The following CHMP6 variants were observed in gnomAD, a reference collection of about 807,000 sequenced individuals.
CHMP6 encodes charged multivesicular body protein 6, also known as chromatin-modifying protein 6.
Under a neutral mutation model 32.8 loss-of-function variants are expected in CHMP6, and 10 were observed. That is an observed-to-expected ratio of 0.30 (90% CI 0.19 to 0.52). The LOEUF (loss-of-function observed/expected upper bound fraction) is 0.52, where lower values mean the gene tolerates loss of function less well. Among genes scored for constraint, CHMP6 ranks in the 20% least tolerant of loss-of-function variants. CHMP6 has a pLI of 0.97. For synonymous variants in CHMP6, 123 were observed against 105.8 expected (o/e 1.16, Z -1.00); for missense variants, 269 against 263.8 (o/e 1.02, Z -0.14).
intron 4 of CHMP6, among the ~76,000 whole-genome samples, chr17:80,996,621 C>G (rs1255015553): frequency 6.6e-6 from 1 of 152,230 alleles, no homozygotes; most frequent in Non-Finnish European, 1.5e-5. Context: ...GAATGTTCTA[C>G]CTGTTGCTTG....
chr17:80,994,362 C>T (rs913313718), intron 1 of CHMP6, among the ~76,000 whole-genome samples: 4 of 152,214 alleles, frequency 2.6e-5, no homozygotes, highest in Admixed American at 1.3e-4. Flanking sequence ...CCGGGTGACC[C>T]TCTGGTGGGG....
chr17:80,999,058 G>A, intron 7 of CHMP6, 40 bp from the exon 8 acceptor site: 3 of 1,612,286 alleles, frequency 1.9e-6, no homozygotes, highest in Non-Finnish European at 2.5e-6. Context: ...TCTGCCTGTG[G>A]GTCTTTGGCG....
chr17:80,995,193 A>C, intron 3 of CHMP6, 87 bp downstream of exon 3: 4 of 1,318,936 alleles, frequency 3.0e-6, no homozygotes, highest in Middle Eastern at 1.9e-4. Context: ...ATTTCTCCCG[A>C]GAGCTGAAAG....
At chr17:80,998,727 C>A in intron 7 of CHMP6, 1 of 1,337,982 alleles carries the variant, frequency 7.5e-7, no homozygotes, top group Non-Finnish European at 9.7e-7. Context: ...CAGGATTAGC[C>A]CTCAGCCAGG....
rs751560399 is a variant in CHMP6, at chr17:80,997,047, C to T, written c.389C>T (p.Thr130Met). ...IEEVERILDE[T>M]QEAVEYQRQI... Reference sequence around the variant, plus strand: ...GAGGTGGAGAGGATCCTGGACGAGACGCAGGAGGCCGTGGAGTACCAGCGG... The same window carrying T: ...GAGGTGGAGAGGATCCTGGACGAGATGCAGGAGGCCGTGGAGTACCAGCGG... Residue 130 changes from threonine to methionine, a missense_variant, in exon 5 of 8, where the codon ACG becomes ATG. By Grantham distance (81) the Thr-to-Met change is moderately conservative. Coordinates refer to ENST00000325167, the MANE Select transcript of CHMP6 (RefSeq NM_024591.5). 7.1e-5 allele frequency: 114 copies of T among 1,613,780 alleles called. No homozygotes were observed. The highest frequency in any genetic ancestry group is 7.6e-5 in the Non-Finnish European group (90 of 1,179,970).
chr17:80,997,018 T>C lies in CHMP6; in HGVS notation c.360T>C (p.Ile120=). 1.2e-6 allele frequency: 2 copies of C among 1,613,600 alleles called. No homozygotes were observed. The highest frequency in any genetic ancestry group is 8.5e-7 in the Non-Finnish European group (1 of 1,179,822). ...CLNKMHQVMS[I]EEVERILDET... ...ACCCTCGTCCACAGGTGATGTCCATTGAAGAGGTGGAGAGGATCCTGGACG... is the reference window on the plus strand; with the variant it reads ...ACCCTCGTCCACAGGTGATGTCCATCGAAGAGGTGGAGAGGATCCTGGACG... The change falls in exon 5 of 8, where the codon ATT becomes ATC. Residue 120 remains isoleucine, a synonymous_variant. Transcript: ENST00000325167.
chr17:80,995,592 C>A (rs886718058), intron 3 of CHMP6, 80 bp from the exon 4 acceptor site: 21 of 1,267,746 alleles, frequency 1.7e-5, no homozygotes, highest in Non-Finnish European at 2.1e-5. Context: ...GCAAGGGTGT[C>A]ATCCTGAACC....
intron 5 of CHMP6, 71 bp from the exon 6 acceptor site, chr17:80,997,190 C>T: frequency 6.2e-7 from 1 of 1,602,696 alleles, no homozygotes; most frequent in South Asian, 1.1e-5. Flanking sequence ...CGAGACCCAG[C>T]CACAGGCCAT....
At chr17:80,993,578 C>T (rs2069611828) in intron 1 of CHMP6, among the ~76,000 whole-genome samples, 1 of 152,260 alleles carries the variant, frequency 6.6e-6, no homozygotes, top group African/African-American at 2.4e-5. Context: ...AGCTAATTCT[C>T]CTCAGCCTCC....
intron 5 of CHMP6, 32 bp from the exon 6 acceptor site, chr17:80,997,229 C>G (rs781108599): frequency 3.1e-6 from 5 of 1,612,700 alleles, no homozygotes; most frequent in African/African-American, 2.7e-5. Context: ...GCCACCTCCT[C>G]GCTGCTCTCA....
At chr17:80,995,569 C>T in intron 3 of CHMP6, 103 bp from the exon 4 acceptor site, 4 of 948,446 alleles carry the variant, frequency 4.2e-6, no homozygotes, top group Admixed American at 1.9e-5. Context: ...TCACGCCCAG[C>T]AGCACCCGCC....
chr17:80,995,112 C>T lies in CHMP6; in HGVS notation c.261+6C>T, dbSNP rs201206691. 6.0e-5 allele frequency: 95 copies of T among 1,594,920 alleles called. No individual in the cohort carries two copies. The East Asian group carries it at 6.8e-4, about 11-fold the overall frequency. ...TCAGCAGCCTGGAGGCCATGGTAGG[C>T]GGCCGGGTGCTTCGCCCTGGAGTGC... On this transcript the variant is annotated splice_donor_region_variant and intron_variant, in intron 3 of 7. Transcript: ENST00000325167.
chr17:80,995,783 A>G (rs2069632911), intron 4 of CHMP6, 25 bp downstream of exon 4: 2 of 1,609,382 alleles, frequency 1.2e-6, no homozygotes, highest in Non-Finnish European at 1.7e-6. Flanking sequence ...GGCCAGGGGC[A>G]TGGAGGTGTG....
chr17:80,998,413 G>A lies in CHMP6; in HGVS notation c.543G>A (p.Lys181=). The A allele has an allele frequency of 6.2e-7, 1 of 1,614,208 alleles. No individual in the cohort carries two copies. Among genetic ancestry groups the A allele is most frequent in the Non-Finnish European group, 8.5e-7 (1 of 1,180,016 alleles). ...TTCCCTCCGAGCCCCTTCCTGAGAAGATCCCAGGTATTTCCATGTTTGATT... is the reference window on the plus strand; with the variant it reads ...TTCCCTCCGAGCCCCTTCCTGAGAAAATCCCAGGTATTTCCATGTTTGATT... ...PEVPSEPLPE[K]IPENVPVKAR... is the part of the protein sequence containing the mutation. Residue 181 remains lysine (K), a synonymous_variant, in exon 7 of 8, where the codon AAG becomes AAA. Transcript: ENST00000325167.
intron 3 of CHMP6, 103 bp downstream of exon 3, chr17:80,995,209 C>T: frequency 8.8e-7 from 1 of 1,134,180 alleles, no homozygotes; most frequent in Non-Finnish European, 1.3e-6. Flanking sequence ...GAAAGCTCCT[C>T]TCAGATGCCT....
At chr17:80,994,460 C>T in intron 1 of CHMP6, 121 bp from the exon 2 acceptor site, 3 of 777,110 alleles carry the variant, frequency 3.9e-6, no homozygotes, top group South Asian at 2.0e-5. Context: ...CCCTGGAAGG[C>T]AACCCTGCCC....
chr17:80,998,907 G>T (rs1474851060), intron 7 of CHMP6, among the ~76,000 whole-genome samples, 191 bp from the exon 8 acceptor site: 1 of 152,194 alleles, frequency 6.6e-6, no homozygotes, highest in Non-Finnish European at 1.5e-5. Context: ...CCACTGTCCC[G>T]TGTCCCTGGC....
chr17:80,995,047 C>G lies in CHMP6; in HGVS notation c.202C>G (p.Arg68Gly). 1 of 1,601,008 alleles carries G rather than the reference C, an allele frequency of 6.2e-7. No homozygotes were observed. Among genetic ancestry groups the G allele is most frequent in the African/African-American group, 1.3e-5 (1 of 74,946 alleles). ...GGCCAAGCTGCTGCTCAAGAAGAAG[C>G]GATACCAGGAGCAGCTCCTGGACAG... is the stretch of plus-strand genomic sequence containing the variant. ...ERAKLLLKKK[R>G]YQEQLLDRTE... Residue 68 changes from arginine to glycine, a missense_variant, in exon 3 of 8, where the codon CGA (arginine) becomes GGA (glycine). Coordinates refer to ENST00000325167, the MANE Select transcript of CHMP6 (RefSeq NM_024591.5).
In CHMP6 at chr17:80,995,094, C is replaced by T. The variant is rs946538752; in HGVS notation, c.249C>T (p.Ser83=). 1 of 1,601,528 alleles carries T rather than the reference C, an allele frequency of 6.2e-7. No homozygotes were observed. Reference sequence around the variant, plus strand: ...ACAGGACGGAGAACCAGATCAGCAGCCTGGAGGCCATGGTAGGCGGCCGGG... The same window carrying T: ...ACAGGACGGAGAACCAGATCAGCAGTCTGGAGGCCATGGTAGGCGGCCGGG... ...LLDRTENQIS[S]LEAMVQSIEF... The change falls in exon 3 of 8, where the codon AGC becomes AGT. Residue 83 remains serine (S), a synonymous_variant. Transcript: ENST00000325167.
Sources: allele counts gnomAD v4.1 joint callset (sites outside exome capture counted in the v4.1 genomes callset), GRCh38; gene constraint gnomAD v4.1.1; transcripts MANE v1.5; gene names NCBI Gene and HGNC (gene_info 2026-07-23, HGNC 2026-07-21).